USH2A: variants seen among roughly 807,000 people sequenced by gnomAD.
The protein encoded by USH2A is Usher syndrome 2A (autosomal recessive, mild).
A neutral mutation model predicts 538.9 loss-of-function variants in USH2A; 443 were observed. The observed-to-expected ratio is 0.82, with a 90% CI of 0.76 to 0.89. The LOEUF (loss-of-function observed/expected upper bound fraction) is 0.89, where lower values mean the gene tolerates loss of function less well. Among genes scored for constraint, USH2A ranks in the 40% least tolerant of loss-of-function variants. The pLI, the probability that USH2A is intolerant of heterozygous loss-of-function variation, is 0.00. For synonymous variants in USH2A, 2,413 were observed against 2,273.5 expected (o/e 1.06, Z -1.75); for missense variants, 6,633 against 6,324.8 (o/e 1.05, Z -1.65).
intron 19 of USH2A, among the ~76,000 whole-genome samples, chr1:216,192,179 T>C (rs115825985): frequency 0.024 from 3,608 of 152,144 alleles, 150 homozygotes; most frequent in African/African-American, 0.082. Flanking sequence ...GTATCCCCCC[T>C]GTCTCATTCT....
At chr1:216,218,011 T>C (rs1289565033) in intron 14 of USH2A, among the ~76,000 whole-genome samples, 3 of 152,070 alleles carry the variant, frequency 2.0e-5, no homozygotes, top group Non-Finnish European at 4.4e-5. Flanking sequence ...TTGCTCTCCC[T>C]AAAAATCTTA....
chr1:216,386,671 C>T (rs1282695219), intron 3 of USH2A, among the ~76,000 whole-genome samples: 1 of 150,738 alleles, frequency 6.6e-6, no homozygotes, highest in African/African-American at 2.4e-5. Context: ...CTGGCTAACA[C>T]AGTGAAACCC....
At chr1:216,069,396 C>T (rs923090342) in intron 30 of USH2A, among the ~76,000 whole-genome samples, 11 of 152,100 alleles carry the variant, frequency 7.2e-5, no homozygotes, top group African/African-American at 2.7e-4. Flanking sequence ...TGATGGTTCA[C>T]GTTATAGGAT....
chr1:216,335,018 T>C (rs1050313376), intron 4 of USH2A, among the ~76,000 whole-genome samples: 14 of 151,748 alleles, frequency 9.2e-5, no homozygotes, highest in African/African-American at 3.1e-4. Flanking sequence ...CAAGTGCATA[T>C]GGTACATTCT....
At chr1:216,048,455 C>T (rs2102526579) in intron 31 of USH2A, 79 bp downstream of exon 31, 1 of 1,416,266 alleles carries the variant, frequency 7.1e-7, no homozygotes, top group Non-Finnish European at 1.0e-6. Context: ...CAGCAAATGG[C>T]CTTGTAGCAT....
chr1:215,814,896 T>C (rs1388840442), intron 48 of USH2A, among the ~76,000 whole-genome samples: 1 of 152,198 alleles, frequency 6.6e-6, no homozygotes, highest in African/African-American at 2.4e-5. Flanking sequence ...TATGAAATCC[T>C]AGGTTTTAAC....
intron 55 of USH2A, among the ~76,000 whole-genome samples, chr1:215,773,664 A>C (rs4523495): frequency 5.3e-5 from 8 of 151,884 alleles, no homozygotes; most frequent in Non-Finnish European, 1.0e-4. Flanking sequence ...CGAGCCCCAG[A>C]GTATATACCC....
intron 69 of USH2A, among the ~76,000 whole-genome samples, 162 bp downstream of exon 69, chr1:215,638,993 C>CAA (rs146300382): frequency 1.7e-4 from 22 of 132,240 alleles, no homozygotes; most frequent in African/African-American, 6.0e-4. Flanking sequence ...AAAACAACAA[C>CAA]AAAAAAAAAA....
chr1:215,853,704 C>G (rs1038096630), intron 44 of USH2A, among the ~76,000 whole-genome samples: 3 of 152,196 alleles, frequency 2.0e-5, no homozygotes, highest in Non-Finnish European at 4.4e-5. Context: ...TAAATAATCT[C>G]TCTCAAGTTC....
At chr1:216,401,980 C>A (rs1365274450) in intron 3 of USH2A, among the ~76,000 whole-genome samples, 1 of 152,046 alleles carries the variant, frequency 6.6e-6, no homozygotes, top group Non-Finnish European at 1.5e-5. Flanking sequence ...AATTGGTTTT[C>A]TTCACACCTA....
At chr1:216,375,058 CTAGA>C (rs1261569749) in intron 3 of USH2A, among the ~76,000 whole-genome samples, 1 of 152,080 alleles carries the variant, frequency 6.6e-6, no homozygotes, top group Non-Finnish European at 1.5e-5. Flanking sequence ...ACAGATACTA[CTAGA>C]TAGATAGATT....
intron 21 of USH2A, among the ~76,000 whole-genome samples, chr1:216,129,685 T>C (rs2033329055): frequency 6.6e-6 from 1 of 152,028 alleles, no homozygotes; most frequent in South Asian, 2.1e-4. Flanking sequence ...AATGAAGTTC[T>C]TTATAAAAAT....
chr1:216,106,389 T>C (rs1363229130), intron 21 of USH2A, among the ~76,000 whole-genome samples: 2 of 150,758 alleles, frequency 1.3e-5, no homozygotes, highest in African/African-American at 4.8e-5. Flanking sequence ...ATTCTTAGTT[T>C]GCTGAAAGTT....
At chr1:216,345,665 A>G (rs1469716868) in intron 4 of USH2A, among the ~76,000 whole-genome samples, 3 of 152,090 alleles carry the variant, frequency 2.0e-5, no homozygotes, top group African/African-American at 7.2e-5. Flanking sequence ...TTGCACTGTG[A>G]ATTTGTCTTC....
At chr1:216,214,776 G>T (rs950634868) in intron 15 of USH2A, among the ~76,000 whole-genome samples, 3 of 151,946 alleles carry the variant, frequency 2.0e-5, no homozygotes, top group African/African-American at 7.2e-5. Context: ...AAAAAATGTG[G>T]ATATAAAGAT....
intron 21 of USH2A, among the ~76,000 whole-genome samples, chr1:216,116,845 A>C (rs772362113): frequency 9.9e-5 from 15 of 152,258 alleles, no homozygotes; most frequent in Non-Finnish European, 1.5e-4. Flanking sequence ...AAAAAAGCTA[A>C]CACAGAAAAC....
At position 215,992,661 on chromosome 1, in the gene USH2A, T is replaced by C. The variant is rs984435222; in HGVS notation, c.6805+359A>G. 3.9e-5 allele frequency among the ~76,000 whole-genome samples: 6 copies of C among 152,136 alleles called. No individual in the cohort carries two copies. The South Asian group carries it at 6.2e-4, about 16-fold the overall frequency. On this transcript the variant is annotated intron_variant, in intron 35 of 71. Transcript: ENST00000307340. ...TACATGAACTTTCCACCTCTCTCCT[T>C]CGCCAAGGAAGAACTAATGGCTTTT... is the stretch of plus-strand genomic sequence containing the variant.
chr1:216,174,851 C>G, intron 21 of USH2A: 1 of 1,036,422 alleles, frequency 9.6e-7, no homozygotes, highest in African/African-American at 1.7e-5. Context: ...TCTTACAATG[C>G]TTTTTGGAGT....
intron 38 of USH2A, 161 bp from the exon 39 acceptor site, chr1:215,901,066 A>C: frequency 2.3e-6 from 2 of 867,678 alleles, no homozygotes; most frequent in Non-Finnish European, 3.6e-6. Context: ...GAACTCCTGT[A>C]CTTCCTTATT....
Sources: gnomAD v4.1 joint callset for allele counts (sites outside exome capture counted in the v4.1 genomes callset) on GRCh38, gnomAD v4.1.1 for gene constraint, MANE v1.5 for transcripts, NCBI Gene and HGNC (gene_info 2026-07-23, HGNC 2026-07-21) for gene names.